Variants in KMT2D observed in about 807,000 individuals in gnomAD.
KMT2D encodes lysine methyltransferase 2D, also known as histone-lysine N-methyltransferase 2D.
KMT2D carries 55 observed loss-of-function variants against 512.7 expected under a neutral mutation model. The ratio of observed to expected loss-of-function variants is 0.11; its 90% confidence interval spans 0.09 to 0.13. The LOEUF (loss-of-function observed/expected upper bound fraction) is 0.13. KMT2D is among the 10% of genes least tolerant of loss of function. KMT2D has a pLI of 1.00. For missense variants in KMT2D, 6,061 were observed against 7,127.9 expected (o/e 0.85, Z 5.39); for synonymous variants, 2,995 against 2,904.0 (o/e 1.03, Z -1.01).
In KMT2D at chr12:49,060,317, G is replaced by T. The variant is rs1178362164; in HGVS notation, c.-742C>A. Among the ~76,000 whole-genome samples the T allele has an allele frequency of 1.3e-5, 2 of 152,002 alleles. No homozygotes were observed. Among genetic ancestry groups the T allele is most frequent in the Non-Finnish European group, 2.9e-5 (2 of 67,954 alleles). The stretch of plus-strand genomic sequence containing the variant: ...AGGCGAGGAAAAGGAAGGGGCGGGC[G>T]GTGCGAGCCCTCTGCCCGCTCCCCT... On this transcript the variant is annotated 5_prime_UTR_variant, in exon 1 of 55. Coordinates refer to ENST00000301067, the MANE Select transcript of KMT2D (RefSeq NM_003482.4).
rs1360034258 is a variant in KMT2D, at chr12:49,054,928, T to C, written c.148A>G (p.Arg50Gly). 5 of 1,613,862 alleles carry C rather than the reference T, an allele frequency of 3.1e-6. No individual in the cohort carries two copies. The highest frequency in any genetic ancestry group is 4.2e-6 in the Non-Finnish European group (5 of 1,179,872). The change falls in exon 3 of 55, where the codon AGG becomes GGG. Residue 50 changes from arginine (R) to glycine (G), a missense_variant. Physicochemically the swap from Arg to Gly is moderately radical, Grantham distance 125. Around this residue, in one of 16 missense-constraint regions of KMT2D, gnomAD observed 144 missense variants for 165.7 expected, o/e 0.87. Transcript: ENST00000301067. This position sits in a 1 kb window ranked among gnomAD's most constrained non-coding sequence, Gnocchi z 6.4. ...CAGTCCTGAGGAGTCTCCTGAAGCC[T>C]GGGACTCCCAGAACTAAGGACAGAG... The part of the protein sequence containing the change: ...EVSVLSSGSP[R>G]LQETPQDCSG...
rs910526183 is a variant in KMT2D at position 49,040,510 on chromosome 12, G to A, written c.7260C>T (p.Ser2420=). The A allele has an allele frequency of 2.5e-6, 4 of 1,592,468 alleles. No individual in the cohort carries two copies. In the African/African-American group the frequency reaches 4.0e-5, roughly 16 times the overall value. Residue 2420 remains serine (S), a synonymous_variant, in exon 32 of 55, where the codon AGC becomes AGT. Transcript: ENST00000301067. Reference sequence around the variant, plus strand: ...GCCGGGGTGTCAGTGGAGACTGGGAGCTGGACTGGGACTGAGGACTGGCAG... The same window carrying A: ...GCCGGGGTGTCAGTGGAGACTGGGAACTGGACTGGGACTGAGGACTGGCAG... ...RVPASPQSQS[S]SQSPLTPRPL...
At position 49,051,652 on chromosome 12, in the gene KMT2D, CTCCTCAGGCGGTGGGGACAAGGGAGAT is replaced by C. The variant is rs1938037798; in HGVS notation, c.2004_2030del (p.Leu671_Pro679del). 3.8e-6 allele frequency: 6 copies of C among 1,565,892 alleles called. No homozygotes were observed. The highest frequency in any genetic ancestry group is 2.3e-5 in the East Asian group (1 of 44,036). On this transcript the variant is annotated inframe_deletion, in exon 11 of 55. Transcript: ENST00000301067. The stretch of plus-strand genomic sequence containing the variant: ...CCTCAGGTGGAGGGGACGTGGGAGA[CTCCTCAGGCGGTGGGGACAAGGGAGAT>C]TCCTCAGGCGGTGGAGACAGGCGTG...
chr12:49,036,172 T>C (rs1222162139), intron 35 of KMT2D, among the ~76,000 whole-genome samples: 2 of 152,182 alleles, frequency 1.3e-5, no homozygotes, highest in Non-Finnish European at 2.9e-5. Context: ...CTGGCCCCCA[T>C]CTTATCTCAC....
chr12:49,058,843 C>T (rs1249479125), intron 1 of KMT2D, among the ~76,000 whole-genome samples: 2 of 152,104 alleles, frequency 1.3e-5, no homozygotes, highest in African/African-American at 2.4e-5. Context: ...TTTTTTGCAG[C>T]CTACATTCGC....
intron 10 of KMT2D, 51 bp from the exon 11 acceptor site, chr12:49,052,475 G>A (rs2120688261): frequency 6.5e-7 from 1 of 1,546,840 alleles, no homozygotes; most frequent in South Asian, 1.2e-5. Context: ...CTACTCCACA[G>A]AAAGTGTGGG....
chr12:49,044,997 G>A lies in KMT2D; in HGVS notation c.4742-32C>T, dbSNP rs755724498. The A allele has an allele frequency of 6.3e-7, 1 of 1,585,290 alleles. No individual in the cohort carries two copies. Among genetic ancestry groups the A allele is most frequent in the South Asian group, 1.1e-5 (1 of 90,488 alleles). ...AAGAGGAAAGAGTATGTGATCCCTG[G>A]ATGGAAGCCCCAGGGAAACCAGAAC... On this transcript the variant is annotated intron_variant, in intron 19 of 54. Coordinates refer to ENST00000301067, the MANE Select transcript of KMT2D (RefSeq NM_003482.4). The surrounding 1 kb of genome is among the most constrained non-coding windows in gnomAD (Gnocchi z 6.4).
rs993782976 is a variant in KMT2D, at chr12:49,049,348, C to A, written c.3907-130G>T. The stretch of plus-strand genomic sequence containing the variant: ...ATAAGCCCAGGAGTCCCACTCAGGG[C>A]AAGGGAAAAGGCCAAACTCCCAGAT... On this transcript the variant is annotated intron_variant, in intron 12 of 54. Transcript: ENST00000301067. 3 of 648,068 alleles carry A rather than the reference C, an allele frequency of 4.6e-6. No homozygotes were observed. In the African/African-American group the frequency reaches 5.5e-5, roughly 12 times the overall value. 40.1% of individuals were successfully genotyped at this position (648,068 alleles called of 1,614,324 possible).
At position 49,030,932 on chromosome 12, in the gene KMT2D, C is replaced by A. The variant is rs950501470; in HGVS notation, c.13632G>T (p.Gly4544=). 6.2e-7 allele frequency: 1 copy of A among 1,613,978 alleles called. No homozygotes were observed. Among genetic ancestry groups the A allele is most frequent in the East Asian group, 2.2e-5 (1 of 44,886 alleles). ...TCAGCAAGGCCTCGCTGGCCCTGAC[C>A]CCGTCCTCCTTCCGCAGCTTCTTTC... ...SSRKKLRKED[G]VRASEALLKQ... is the part of the protein sequence containing the mutation. Residue 4544 remains glycine, a synonymous_variant, in exon 41 of 55, where the codon GGG becomes GGT. Coordinates refer to ENST00000301067, the MANE Select transcript of KMT2D (RefSeq NM_003482.4).
chr12:49,041,369 C>G lies in KMT2D; in HGVS notation c.6401G>C (p.Gly2134Ala), dbSNP rs978240367. Residue 2134 changes from glycine to alanine, a missense_variant, in exon 32 of 55, where the codon GGC (glycine) becomes GCC (alanine). Gly to Ala is a moderately conservative substitution (Grantham distance 60). This residue lies in a region of KMT2D where 710 missense variants were observed against 647.3 expected (regional missense o/e 1.10). Transcript: ENST00000301067. The surrounding 1 kb of genome is among the most constrained non-coding windows in gnomAD (Gnocchi z 5.4). ...GAACCCGTCCGCAGAGGTAGACAAG[C>G]CGGCGGGGGTAGTGGGGCTGCCAAT... ...IFIGSPTTPAGLSTSADGFLK... is the reference protein window; with the variant it reads ...IFIGSPTTPAALSTSADGFLK... The G allele has an allele frequency of 6.3e-7, 1 of 1,587,142 alleles. No individual in the cohort carries two copies.
rs1942639586 is a variant in KMT2D at position 49,027,138 on chromosome 12, T to G, written c.14828A>C (p.Glu4943Ala). 1 of 1,575,290 alleles carries G rather than the reference T, an allele frequency of 6.3e-7. No homozygotes were observed. The highest frequency in any genetic ancestry group is 8.6e-7 in the Non-Finnish European group (1 of 1,158,388). ...TGGCAGAGGTGAGGGGACGGGTGGC[T>G]CAGCCAAGGGTTCGGTGGGAAGTTC... ...LVELPTEPLA[E>A]PPVPSPLPLA... Residue 4943 changes from glutamate to alanine, a missense_variant, in exon 49 of 55, where the codon GAG (glutamate) becomes GCG (alanine). Coordinates refer to ENST00000301067, the MANE Select transcript of KMT2D (RefSeq NM_003482.4).
In KMT2D at chr12:49,039,628, A is replaced by G. The variant is rs1261727945; in HGVS notation, c.8047-11T>C. 6.2e-7 allele frequency: 1 copy of G among 1,605,758 alleles called. No homozygotes were observed. Among genetic ancestry groups the G allele is most frequent in the Admixed American group, 1.7e-5 (1 of 59,794 alleles). ...TCGTAGTCGCTGGCGCTATGCAAAAAAAAGAGAAGAGGAATAAGCCCATTC... is the reference window on the plus strand; with the variant it reads ...TCGTAGTCGCTGGCGCTATGCAAAAGAAAGAGAAGAGGAATAAGCCCATTC... On this transcript the variant is annotated splice_polypyrimidine_tract_variant and intron_variant, in intron 32 of 54. Coordinates refer to ENST00000301067, the MANE Select transcript of KMT2D (RefSeq NM_003482.4). The surrounding 1 kb of genome is among the most constrained non-coding windows in gnomAD (Gnocchi z 5.0).
chr12:49,052,453 T>A (rs1373617821), intron 10 of KMT2D, 29 bp from the exon 11 acceptor site: 1 of 1,547,164 alleles, frequency 6.5e-7, no homozygotes, highest in Non-Finnish European at 8.8e-7. Flanking sequence ...GATGCTCCTA[T>A]CTAGCTCAGA....
chr12:49,022,241 C>T lies in KMT2D; in HGVS notation c.16412+39G>A, dbSNP rs761644525. The T allele has an allele frequency of 1.9e-6, 3 of 1,591,784 alleles. No homozygotes were observed. The highest frequency in any genetic ancestry group is 4.5e-5 in the East Asian group (2 of 44,078). On this transcript the variant is annotated intron_variant, in intron 53 of 54. Coordinates refer to ENST00000301067, the MANE Select transcript of KMT2D (RefSeq NM_003482.4). The surrounding 1 kb of genome is among the most constrained non-coding windows in gnomAD (Gnocchi z 8.6). ...CGTCTATCCCCCAGAGTGCCACTCT[C>T]AGGGACCACTAAATCCCTCCTTCCT...
In KMT2D at chr12:49,020,915, T is replaced by C; in HGVS notation, c.*865A>G. 1 of 195,972 alleles carries C rather than the reference T, an allele frequency of 5.1e-6. No individual in the cohort carries two copies. The highest frequency in any genetic ancestry group is 1.1e-5 in the Non-Finnish European group (1 of 94,056). The allele number at this position is 195,972 out of a possible 1,614,324, so 12.1% of individuals were successfully genotyped here. The stretch of plus-strand genomic sequence containing the variant: ...TCCCCAATCTTCATCATCATTTGCC[T>C]CAACCACCATCCCATGCCCATAATT... On this transcript the variant is annotated 3_prime_UTR_variant, in exon 55 of 55. Coordinates refer to ENST00000301067, the MANE Select transcript of KMT2D (RefSeq NM_003482.4).
chr12:49,051,132 G>A lies in KMT2D; in HGVS notation c.2551C>T (p.Leu851=), dbSNP rs186151848. Residue 851 remains leucine (L), a synonymous_variant, in exon 11 of 55, where the codon CTG becomes TTG. Transcript: ENST00000301067. Reference sequence around the variant, plus strand: ...GGTGGCTTCTCAAGCTCAGGGGACAGATGCGATTCCTCAGGCCGGGGGGAC... The same window carrying A: ...GGTGGCTTCTCAAGCTCAGGGGACAAATGCGATTCCTCAGGCCGGGGGGAC... ...CLSPRPEESH[L]SPELEKPPLS... The A allele has an allele frequency of 5.9e-5, 90 of 1,521,412 alleles. No homozygotes were observed. In the African/African-American group the frequency reaches 1.1e-3, roughly 19 times the overall value. 94.2% of individuals were successfully genotyped at this position (1,521,412 alleles called of 1,614,324 possible). A position where few individuals can be genotyped will look rare whatever the true frequency, so the allele number is the denominator to read the frequency against.
rs531287935 is a variant in KMT2D at position 49,031,588 on chromosome 12, C to T, written c.13117G>A (p.Gly4373Ser). ...AQLADTLFSK[G>S]LGPWDPPDNL... The stretch of plus-strand genomic sequence containing the variant: ...TCTGGGGGATCCCAAGGTCCCAGAC[C>T]CTTGCTAAACAAGGTATCTGCAAGC... Residue 4373 changes from glycine (G) to serine (S), a missense_variant, in exon 40 of 55, where the codon GGT (glycine) becomes AGT (serine). Gly to Ser is a moderately conservative substitution (Grantham distance 56, BLOSUM62 0). This residue lies in a region of KMT2D where 1,600 missense variants were observed against 1,754.9 expected (regional missense o/e 0.91). Coordinates refer to ENST00000301067, the MANE Select transcript of KMT2D (RefSeq NM_003482.4). The T allele has an allele frequency of 5.1e-5, 82 of 1,599,098 alleles. No homozygotes were observed. The South Asian group carries it at 8.6e-4, about 17-fold the overall frequency.
chr12:49,056,746 G>T (rs1053766831), intron 1 of KMT2D, among the ~76,000 whole-genome samples: 1 of 152,190 alleles, frequency 6.6e-6, no homozygotes, highest in Non-Finnish European at 1.5e-5. Flanking sequence ...TCCCAAACTG[G>T]AAGGCAAATA....
rs1207105896 is a variant in KMT2D, at chr12:49,046,011, AAAGC to A, written c.4694-48_4694-45del. ...ACGGAGGTGGCTGAGGTCCTGTCCCAAAGCAAGGTACCCCTGCTCTGACTCCTCC... is the reference window on the plus strand; with the variant it reads ...ACGGAGGTGGCTGAGGTCCTGTCCCAAAGGTACCCCTGCTCTGACTCCTCC... On this transcript the variant is annotated intron_variant, in intron 18 of 54. Transcript: ENST00000301067. This position sits in a 1 kb window ranked among gnomAD's most constrained non-coding sequence, Gnocchi z 4.2. The A allele has an allele frequency of 3.1e-6, 5 of 1,613,326 alleles. No homozygotes were observed. Among genetic ancestry groups the A allele is most frequent in the Non-Finnish European group, 4.2e-6 (5 of 1,179,534 alleles).
Sources: gnomAD v4.1 joint callset for allele counts (sites outside exome capture counted in the v4.1 genomes callset) on GRCh38, gnomAD v4.1.1 for gene constraint, gnomAD v4.1.1 regional missense constraint, Gnocchi (gnomAD v3.1) non-coding constraint, MANE v1.5 for transcripts, NCBI Gene and HGNC (gene_info 2026-07-23, HGNC 2026-07-21) for gene names.